Variants in PLPP3 observed in about 807,000 individuals in gnomAD.
PLPP3 encodes PAP2 beta.
A neutral mutation model predicts 29.6 loss-of-function variants in PLPP3; 6 were observed. That is an observed-to-expected ratio of 0.20 (90% CI 0.11 to 0.40). The LOEUF (loss-of-function observed/expected upper bound fraction) is 0.40. Ranked by LOEUF, PLPP3 falls within the 10% of genes least tolerant of loss-of-function variation. PLPP3 has a pLI of 1.00. For synonymous variants in PLPP3, 152 were observed against 159.7 expected, an observed-to-expected ratio of 0.95 and a Z score of 0.36; for missense variants, 308 against 407.7, an observed-to-expected ratio of 0.76 and a Z score of 2.11.
chr1:56,538,970 A>AAAAAAAAAAAAAAAAAAC (rs1005848195), intron 1 of PLPP3: 4 of 150,772 alleles, frequency 2.7e-5, no homozygotes, highest in Non-Finnish European at 5.9e-5. Context: ...AAAAAAAAAA[A>AAAAAAAAAAAAAAAAAAC]ACACAGTGGA....
chr1:56,567,587 C>T (rs184138401), intron 1 of PLPP3, among the ~76,000 whole-genome samples: 6 of 151,896 alleles, frequency 4.0e-5, no homozygotes, highest in East Asian at 3.9e-4. Flanking sequence ...TTAGTAGAGA[C>T]GGGGTTTCAC....
At chr1:56,572,247 A>T (rs1646204984) in intron 1 of PLPP3, among the ~76,000 whole-genome samples, 1 of 151,752 alleles carries the variant, frequency 6.6e-6, no homozygotes, top group African/African-American at 2.4e-5. Context: ...ACGGGGTTTC[A>T]CCATGTTGAC....
intron 1 of PLPP3, among the ~76,000 whole-genome samples, chr1:56,557,951 C>T (rs1286982452): frequency 6.6e-6 from 1 of 152,174 alleles, no homozygotes; most frequent in Non-Finnish European, 1.5e-5. Context: ...GGCTCTCTTT[C>T]CAAATCAGCG....
At chr1:56,533,765 T>C (rs565497139) in intron 2 of PLPP3, among the ~76,000 whole-genome samples, 13 of 152,224 alleles carry the variant, frequency 8.5e-5, no homozygotes, top group Non-Finnish European at 1.3e-4. Flanking sequence ...GACCAATTTA[T>C]AGAAAAGCAA....
At chr1:56,522,112 C>T (rs913348037) in intron 4 of PLPP3, among the ~76,000 whole-genome samples, 6 of 152,176 alleles carry the variant, frequency 3.9e-5, no homozygotes, top group African/African-American at 1.4e-4. Context: ...ACCTTTTCTG[C>T]CTCTGACTGA....
In PLPP3 at chr1:56,524,297, G is replaced by A; in HGVS notation, c.555C>T (p.Asp185=). ...CTCACCTGGCTTCCTGGACTTTGCT[G>A]TCATCACCTCTGCATCTGTAGTTCT... ...YIQNYRCRGD[D]SKVQEARKSF... The change falls in exon 3 of 6, where the codon GAC becomes GAT. Residue 185 remains aspartate, a synonymous_variant. Coordinates refer to ENST00000371250, the MANE Select transcript of PLPP3 (RefSeq NM_003713.5). The surrounding 1 kb of genome is among the most constrained non-coding windows in gnomAD (Gnocchi z 4.3). 2 of 1,613,750 alleles carry A rather than the reference G, an allele frequency of 1.2e-6. No individual in the cohort carries two copies. Among genetic ancestry groups the A allele is most frequent in the Non-Finnish European group, 8.5e-7 (1 of 1,179,922 alleles).
chr1:56,573,157 C>T (rs1207280744), intron 1 of PLPP3, among the ~76,000 whole-genome samples: 1 of 152,160 alleles, frequency 6.6e-6, no homozygotes, highest in Non-Finnish European at 1.5e-5. Context: ...AAATTAACAC[C>T]TCATTTATCC....
chr1:56,538,789 G>A (rs916662254), intron 1 of PLPP3: 1 of 160,488 alleles, frequency 6.2e-6, no homozygotes, highest in South Asian at 1.6e-4. Context: ...GAAGGAAAAT[G>A]ATCAGAAAAA....
intron 2 of PLPP3, among the ~76,000 whole-genome samples, chr1:56,531,658 G>A (rs1034690268): frequency 6.6e-6 from 1 of 152,184 alleles, no homozygotes; most frequent in Non-Finnish European, 1.5e-5. Context: ...ACATAGCACC[G>A]ACCAGAGTGG....
chr1:56,552,977 A>C (rs1413489104), intron 1 of PLPP3, among the ~76,000 whole-genome samples: 3 of 152,126 alleles, frequency 2.0e-5, no homozygotes, highest in African/African-American at 7.2e-5. Context: ...TTCTTCGCTG[A>C]GCCTGTATTA....
chr1:56,552,980 C>A (rs567708285), intron 1 of PLPP3, among the ~76,000 whole-genome samples: 21 of 152,204 alleles, frequency 1.4e-4, no homozygotes, highest in African/African-American at 4.8e-4. Context: ...TTCGCTGAGC[C>A]TGTATTAGAG....
intron 4 of PLPP3, among the ~76,000 whole-genome samples, chr1:56,520,910 CAAAAAA>C (rs1169318077): frequency 0.18 from 10,957 of 62,180 alleles, 391 homozygotes; most frequent in South Asian, 0.29. Flanking sequence ...GACTCCATCT[CAAAAAA>C]AAAAAAAAAA....
intron 5 of PLPP3, among the ~76,000 whole-genome samples, chr1:56,508,464 T>G (rs748853495): frequency 6.6e-6 from 1 of 152,188 alleles, no homozygotes; most frequent in Non-Finnish European, 1.5e-5. Context: ...GGAAAATGGA[T>G]TCTGTGTTTC....
chr1:56,496,930 T>C (rs1645634730), intron 5 of PLPP3, among the ~76,000 whole-genome samples: 1 of 152,190 alleles, frequency 6.6e-6, no homozygotes, highest in African/African-American at 2.4e-5. Flanking sequence ...CTAAGGACTC[T>C]CAGTCCATTG....
chr1:56,566,264 CATGGG>C (rs1229340391), intron 1 of PLPP3, among the ~76,000 whole-genome samples: 1 of 152,186 alleles, frequency 6.6e-6, no homozygotes, highest in East Asian at 1.9e-4. Flanking sequence ...TGGAGAAAAG[CATGGG>C]ATTCAGAAAC....
intron 1 of PLPP3, among the ~76,000 whole-genome samples, chr1:56,557,029 AGAGAGAGAGAG>A (rs1646085903): frequency 1.6e-4 from 3 of 19,184 alleles, no homozygotes; most frequent in African/African-American, 4.5e-4. Flanking sequence ...AGAGAGAAAG[AGAGAGAGAGAG>A]AGAGAGAGAG....
chr1:56,509,355 G>A (rs905135827), intron 5 of PLPP3, among the ~76,000 whole-genome samples: 2 of 152,094 alleles, frequency 1.3e-5, no homozygotes, highest in African/African-American at 2.4e-5. Flanking sequence ...CTTCTGTTTC[G>A]GGTTAACTGC....
chr1:56,532,453 G>A (rs938930933), intron 2 of PLPP3, among the ~76,000 whole-genome samples: 1 of 152,066 alleles, frequency 6.6e-6, no homozygotes. Flanking sequence ...TCTTGGCAGG[G>A]CTCTTGTAGA....
chr1:56,572,806 T>G (rs568848774), intron 1 of PLPP3, among the ~76,000 whole-genome samples: 1 of 152,310 alleles, frequency 6.6e-6, no homozygotes, highest in South Asian at 2.1e-4. Flanking sequence ...CTGATAATGA[T>G]AACGTGATTT....
Sources: allele counts gnomAD v4.1 joint callset (sites outside exome capture counted in the v4.1 genomes callset), GRCh38; gene constraint gnomAD v4.1.1; non-coding constraint Gnocchi (gnomAD v3.1); transcripts MANE v1.5; gene names NCBI Gene and HGNC (gene_info 2026-07-23, HGNC 2026-07-21).